The following NBAS variants were observed in gnomAD, a reference collection of about 807,000 sequenced individuals.
The protein encoded by NBAS is NAG/BC035112 fusion.
A neutral mutation model predicts 302.5 loss-of-function variants in NBAS; 219 were observed. That is an observed-to-expected ratio of 0.72 (90% CI 0.65 to 0.81). The LOEUF (loss-of-function observed/expected upper bound fraction) is 0.81, where lower values mean the gene tolerates loss of function less well. Ranked by LOEUF, NBAS falls within the 30% of genes least tolerant of loss-of-function variation. The pLI is 0.00. For missense variants in NBAS, 2,932 were observed against 2,841.6 expected (o/e 1.03, Z -0.72); for synonymous variants, 1,118 against 1,021.6 (o/e 1.09, Z -1.80).
At position 15,339,578 on chromosome 2, in the gene NBAS, A is replaced by G. The variant is rs1161237397; in HGVS notation, c.4180-8813T>C. 3.9e-5 allele frequency among the ~76,000 whole-genome samples: 6 copies of G among 152,344 alleles called. No individual in the cohort carries two copies. In the East Asian group the frequency reaches 7.7e-4, roughly 20 times the overall value. On this transcript the variant is annotated intron_variant, in intron 35 of 51. Transcript: ENST00000281513. The stretch of plus-strand genomic sequence containing the variant: ...AAATACAAAACTGACCAAAATATGA[A>G]TAGTCTCTGCTACAAAGAACTTACA...
chr2:15,218,893 C>T lies in NBAS; in HGVS notation c.6312G>A (p.Arg2104=). The T allele has an allele frequency of 6.2e-7, 1 of 1,614,258 alleles. No homozygotes were observed. Reference sequence around the variant, plus strand: ...AAATCTGCAGCACGTGAATGCGGGGCCGCACCGGCCAGGCGTCATCAGCAC... The same window carrying T: ...AAATCTGCAGCACGTGAATGCGGGGTCGCACCGGCCAGGCGTCATCAGCAC... ...PFCADDAWPV[R]PRIHVLQILG... Residue 2104 remains arginine (R), a synonymous_variant, in exon 48 of 52, where the codon CGG becomes CGA. Transcript: ENST00000281513.
At chr2:15,277,130 T>C in intron 42 of NBAS, 29 bp from the exon 43 acceptor site, 1 of 1,604,526 alleles carries the variant, frequency 6.2e-7, no homozygotes, top group South Asian at 1.1e-5. Flanking sequence ...GGAACTGTGT[T>C]AAGATTTTGT....
the NBAS span, among the ~76,000 whole-genome samples, chr2:15,157,453 C>T: frequency 3.3e-5 from 5 of 152,292 alleles, no homozygotes; most frequent in African/African-American, 1.2e-4. Flanking sequence ...GGGCAACTTC[C>T]ACAGCTCCCA....
At chr2:15,088,232 A>G in the NBAS span, among the ~76,000 whole-genome samples, 1 of 152,218 alleles carries the variant, frequency 6.6e-6, no homozygotes, top group African/African-American at 2.4e-5. Context: ...GTTTGGAGCC[A>G]AAAGAGAAAG....
chr2:14,862,700 T>C, the NBAS span, among the ~76,000 whole-genome samples: 1 of 152,240 alleles, frequency 6.6e-6, no homozygotes, highest in East Asian at 1.9e-4. Flanking sequence ...AATTAATAAA[T>C]ACTATTTTCC....
the NBAS span, among the ~76,000 whole-genome samples, chr2:15,131,196 T>TA: frequency 6.6e-6 from 1 of 152,162 alleles, no homozygotes; most frequent in African/African-American, 2.4e-5. Context: ...ATATAAATTT[T>TA]AAAAAAATTT....
chr2:15,365,120 T>A (rs950847500), intron 32 of NBAS, among the ~76,000 whole-genome samples: 2 of 152,208 alleles, frequency 1.3e-5, no homozygotes, highest in African/African-American at 2.4e-5. Flanking sequence ...GAGTCTAAAT[T>A]CTCAGAGGGC....
intron 30 of NBAS, among the ~76,000 whole-genome samples, 157 bp from the exon 31 acceptor site, chr2:15,374,877 C>T (rs1032758204): frequency 1.3e-5 from 2 of 152,144 alleles, no homozygotes; most frequent in Non-Finnish European, 2.9e-5. Context: ...TCATAGCAAG[C>T]CTCTGAGGTA....
intron 40 of NBAS, among the ~76,000 whole-genome samples, chr2:15,294,179 G>A (rs1049818531): frequency 1.3e-5 from 2 of 152,168 alleles, no homozygotes; most frequent in Non-Finnish European, 2.9e-5. Flanking sequence ...GTAAGCCTAG[G>A]GTGCTCTGGG....
Position 15,551,384 on chromosome 2 carries a change from T to C in NBAS, c.379+109A>G, listed in dbSNP as rs1480212595. 8 of 702,054 alleles carry C rather than the reference T, an allele frequency of 1.1e-5. No individual in the cohort carries two copies. In the South Asian group the frequency reaches 1.9e-4, roughly 16 times the overall value. 43.5% of individuals were successfully genotyped at this position (702,054 alleles called of 1,614,324 possible). Reference sequence around the variant, plus strand: ...TTTTTAAAAATTATTTTAATAGTCATGATAATCCTTGTTAATAAATATTTA... The same window carrying C: ...TTTTTAAAAATTATTTTAATAGTCACGATAATCCTTGTTAATAAATATTTA... On this transcript the variant is annotated intron_variant, in intron 6 of 51. Coordinates refer to ENST00000281513, the MANE Select transcript of NBAS (RefSeq NM_015909.4).
At chr2:15,416,524 C>G (rs1326716841) in intron 24 of NBAS, among the ~76,000 whole-genome samples, 2 of 151,984 alleles carry the variant, frequency 1.3e-5, no homozygotes, top group African/African-American at 4.8e-5. Context: ...GGAAGATAAG[C>G]CAGGAGAGGT....
the NBAS span, among the ~76,000 whole-genome samples, chr2:14,985,425 T>C: frequency 6.6e-6 from 1 of 152,242 alleles, no homozygotes; most frequent in East Asian, 1.9e-4. Flanking sequence ...TGGAAACATA[T>C]CCCGCAGCTG....
In NBAS at chr2:15,417,695, T is replaced by C. The variant is rs1677013723; in HGVS notation, c.2595A>G (p.Ser865=). The C allele has an allele frequency of 6.2e-7, 1 of 1,613,978 alleles. No homozygotes were observed. ...TCCGCTCCATCCCAAGTCGAATAAG[T>C]GACAATGCACAGTCCACCTAAAATT... The part of the protein sequence containing the change: ...HYARQVDCAL[S]LIRLGMERNI... Residue 865 remains serine (S), a synonymous_variant, in exon 24 of 52, where the codon TCA becomes TCG. Transcript: ENST00000281513.
chr2:15,528,559 C>T (rs1191396948), intron 9 of NBAS, among the ~76,000 whole-genome samples: 2 of 149,128 alleles, frequency 1.3e-5, no homozygotes, highest in Non-Finnish European at 3.0e-5. Flanking sequence ...GTATTTTAGA[C>T]ATCAGTAAAA....
chr2:15,441,097 G>A (rs1299457489), intron 21 of NBAS, among the ~76,000 whole-genome samples: 2 of 152,204 alleles, frequency 1.3e-5, no homozygotes, highest in East Asian at 1.9e-4. Flanking sequence ...ATATTATCCA[G>A]GAGAACTTCC....
chr2:15,088,229 G>A, the NBAS span, among the ~76,000 whole-genome samples: 18 of 152,260 alleles, frequency 1.2e-4, no homozygotes, highest in Non-Finnish European at 2.5e-4. Context: ...GTTGTTTGGA[G>A]CCAAAAGAGA....
the NBAS span, among the ~76,000 whole-genome samples, chr2:14,907,024 G>A: frequency 6.6e-6 from 1 of 152,166 alleles, no homozygotes; most frequent in Non-Finnish European, 1.5e-5. Flanking sequence ...GTCCATGCCT[G>A]TCGCCCACTT....
intron 32 of NBAS, among the ~76,000 whole-genome samples, chr2:15,362,197 G>A (rs1253684341): frequency 1.3e-5 from 2 of 151,716 alleles, no homozygotes; most frequent in East Asian, 1.9e-4. Context: ...AGATTCTAGG[G>A]CCAGGCACGG....
At chr2:15,359,918 G>A (rs1200301310) in intron 32 of NBAS, among the ~76,000 whole-genome samples, 1 of 152,086 alleles carries the variant, frequency 6.6e-6, no homozygotes, top group Non-Finnish European at 1.5e-5. Flanking sequence ...ATCACAGAGT[G>A]CACTCACACA....
Sources: gnomAD v4.1 joint callset for allele counts (sites outside exome capture counted in the v4.1 genomes callset) on GRCh38, gnomAD v4.1.1 for gene constraint, MANE v1.5 for transcripts, NCBI Gene and HGNC (gene_info 2026-07-23, HGNC 2026-07-21) for gene names.